The following SLC2A9 variants were observed in gnomAD, a reference collection of about 807,000 sequenced individuals.
The protein encoded by SLC2A9 is solute carrier family 2, facilitated glucose transporter member 9.
Under a neutral mutation model 50.6 loss-of-function variants are expected in SLC2A9, and 39 were observed. The ratio of observed to expected loss-of-function variants is 0.77; its 90% CI spans 0.60 to 1.01. The LOEUF is 1.01. Among genes scored for constraint, SLC2A9 ranks in the 50% least tolerant of loss-of-function variants. The pLI is 0.00. For synonymous variants in SLC2A9, 324 were observed against 276.9 expected (o/e 1.17, Z -1.69); for missense variants, 686 against 677.6 (o/e 1.01, Z -0.14).
intron 10 of SLC2A9, among the ~76,000 whole-genome samples, chr4:9,882,552 CA>C (rs1230229016): frequency 2.0e-5 from 3 of 151,690 alleles, no homozygotes; most frequent in Non-Finnish European, 4.4e-5. Flanking sequence ...ACTAAAAATA[CA>C]AAAAAATTAG....
intron 5 of SLC2A9, among the ~76,000 whole-genome samples, chr4:9,974,772 C>T (rs576065829): frequency 4.6e-5 from 7 of 152,122 alleles, no homozygotes; most frequent in Admixed American, 4.6e-4. Flanking sequence ...TCATATAAAA[C>T]CAAAAAAGAG....
intron 10 of SLC2A9, among the ~76,000 whole-genome samples, chr4:9,886,211 G>T (rs1420346033): frequency 2.0e-5 from 3 of 152,228 alleles, no homozygotes; most frequent in African/African-American, 7.2e-5. Context: ...CCCCAGGCTA[G>T]CATAGGGCCG....
chr4:9,928,308 C>T lies in SLC2A9; in HGVS notation c.815-7736G>A, dbSNP rs147002127. ...TCAAGATGTAGTCAATCTGTTGCTT[C>T]AGGATAAAGATGACATTTTAACAGG... On this transcript the variant is annotated intron_variant, in intron 6 of 11. Transcript: ENST00000264784. Among the ~76,000 whole-genome samples, 886 of 152,300 alleles carry T rather than the reference C, an allele frequency of 5.8e-3. 3 individuals are homozygous for T. Among genetic ancestry groups the T allele is most frequent in the Middle Eastern group, 0.014 (4 of 294 alleles).
chr4:10,018,546 TGATAGATAGATA>T (rs749714539), intron 2 of SLC2A9, among the ~76,000 whole-genome samples: 125 of 145,428 alleles, frequency 8.6e-4, no homozygotes, highest in African/African-American at 1.1e-3. Flanking sequence ...ATCTCAAAGA[TGATAGATAGATA>T]GATAGATAGA....
intron 10 of SLC2A9, among the ~76,000 whole-genome samples, chr4:9,843,002 A>C (rs976212416): frequency 5.9e-5 from 9 of 152,172 alleles, no homozygotes; most frequent in African/African-American, 2.2e-4. Context: ...CCCTCGGGAA[A>C]CTGTGGAAAA....
At chr4:9,891,831 G>A (rs960031702) in intron 8 of SLC2A9, among the ~76,000 whole-genome samples, 2 of 152,216 alleles carry the variant, frequency 1.3e-5, no homozygotes, top group Admixed American at 6.5e-5. Context: ...TTTGGGGCTG[G>A]ATGGTCCCCA....
intron 10 of SLC2A9, chr4:9,880,429 G>A (rs758565873): frequency 3.0e-6 from 3 of 985,278 alleles, no homozygotes; most frequent in Non-Finnish European, 3.6e-6. Flanking sequence ...CACTGATGGG[G>A]AGCCCAGCAT....
At chr4:9,844,981 A>G (rs1421277464) in intron 10 of SLC2A9, among the ~76,000 whole-genome samples, 1 of 150,896 alleles carries the variant, frequency 6.6e-6, no homozygotes, top group Non-Finnish European at 1.5e-5. Flanking sequence ...CCTCCTCTCT[A>G]TTTTCTAACT....
chr4:9,948,454 G>A (rs1026040839), intron 5 of SLC2A9, among the ~76,000 whole-genome samples: 1 of 152,236 alleles, frequency 6.6e-6, no homozygotes, highest in Non-Finnish European at 1.5e-5. Context: ...CACCTGCAGT[G>A]AATGGTGGTG....
chr4:9,819,904 AG>A (rs1346250996), intron 3 of SLC2A9, among the ~76,000 whole-genome samples: 1 of 152,268 alleles, frequency 6.6e-6, no homozygotes, highest in Non-Finnish European at 1.5e-5. Flanking sequence ...ACTGCACTCC[AG>A]CCTGGGTGAC....
intron 7 of SLC2A9, among the ~76,000 whole-genome samples, chr4:9,916,954 G>T (rs952249283): frequency 1.3e-5 from 2 of 152,204 alleles, no homozygotes; most frequent in Non-Finnish European, 2.9e-5. Flanking sequence ...ATAAGATGCA[G>T]CCTCCATCTC....
chr4:9,795,835 C>G (rs1720531149), downstream of SLC2A9, among the ~76,000 whole-genome samples: 1 of 152,128 alleles, frequency 6.6e-6, no homozygotes, highest in African/African-American at 2.4e-5. Flanking sequence ...CACAAAAGAC[C>G]TCAGGGGGAA....
At chr4:9,782,812 C>T (rs1259116315) in intron 3 of SLC2A9, 1 of 1,613,748 alleles carries the variant, frequency 6.2e-7, no homozygotes, top group Non-Finnish European at 8.5e-7. Context: ...GGATTTCCTC[C>T]CTGGAGAGGG....
chr4:9,848,383 G>C (rs1008369796), intron 10 of SLC2A9, among the ~76,000 whole-genome samples: 3 of 150,476 alleles, frequency 2.0e-5, no homozygotes, highest in Non-Finnish European at 4.4e-5. Context: ...ATGGAAAGGA[G>C]ACTTCTCCAG....
chr4:9,901,635 G>C (rs1739633746), intron 8 of SLC2A9, among the ~76,000 whole-genome samples: 1 of 152,214 alleles, frequency 6.6e-6, no homozygotes, highest in Non-Finnish European at 1.5e-5. Flanking sequence ...TGGGAGAAAA[G>C]ATTTGCAAAC....
rs11420026 is a variant in SLC2A9, at chr4:9,884,445, G to GTT, written c.1291+3120_1291+3121dup. Among the ~76,000 whole-genome samples the GTT allele has an allele frequency of 3.7e-3, 556 of 148,780 alleles. 1 individual carries two copies. Among genetic ancestry groups the GTT allele is most frequent in the African/African-American group, 6.4e-3 (261 of 40,614 alleles). On this transcript the variant is annotated intron_variant, in intron 10 of 11. Coordinates refer to ENST00000264784, the MANE Select transcript of SLC2A9 (RefSeq NM_020041.3). The stretch of plus-strand genomic sequence containing the variant: ...TCCACTACTACACCTGGCTAGAAAT[G>GTT]TTTTTTTTTTTAATTAGTAAAGTTG...
chr4:9,950,842 G>A (rs1750097087), intron 5 of SLC2A9, among the ~76,000 whole-genome samples: 1 of 30,360 alleles, frequency 3.3e-5, no homozygotes, highest in African/African-American at 3.9e-4. Context: ...GCAGTGAGCC[G>A]AGATCGCGCC....
intron 3 of SLC2A9, among the ~76,000 whole-genome samples, chr4:9,990,148 T>C (rs1399044873): frequency 2.0e-5 from 3 of 152,134 alleles, no homozygotes; most frequent in African/African-American, 4.8e-5. Context: ...GCTTTGCTCA[T>C]GCCTGAGTGC....
intron 6 of SLC2A9, among the ~76,000 whole-genome samples, chr4:9,927,081 G>A (rs970724490): frequency 1.3e-5 from 2 of 148,200 alleles, no homozygotes; most frequent in African/African-American, 5.0e-5. Context: ...CCAGACTGCA[G>A]TTCAGTGATG....
Sources: gnomAD v4.1 joint callset for allele counts (sites outside exome capture counted in the v4.1 genomes callset) on GRCh38, gnomAD v4.1.1 for gene constraint, MANE v1.5 for transcripts, NCBI Gene and HGNC (gene_info 2026-07-23, HGNC 2026-07-21) for gene names.